Variants in MKLN1 observed in about 807,000 individuals in gnomAD.
The protein encoded by MKLN1 is muskelin.
A neutral mutation model predicts 99.0 loss-of-function variants in MKLN1; 18 were observed. That is an observed-to-expected ratio of 0.18 (90% CI 0.13 to 0.27). The LOEUF is 0.27. Among genes scored for constraint, MKLN1 ranks in the 10% least tolerant of loss-of-function variants. The pLI is 1.00. For missense variants in MKLN1, 621 were observed against 875.9 expected, an observed-to-expected ratio of 0.71 and a Z score of 3.67; for synonymous variants, 288 against 293.2, an observed-to-expected ratio of 0.98 and a Z score of 0.18.
intron 2 of MKLN1, among the ~76,000 whole-genome samples, chr7:131,184,577 T>G (rs1443723197): frequency 6.6e-6 from 1 of 151,452 alleles, no homozygotes; most frequent in African/African-American, 2.4e-5. Context: ...CAGGCTGGAG[T>G]GCAATGGCGT....
intron 1 of MKLN1, among the ~76,000 whole-genome samples, chr7:131,357,117 A>G (rs1047406180): frequency 2.9e-4 from 44 of 152,206 alleles, no homozygotes; most frequent in African/African-American, 4.8e-5. Flanking sequence ...ATTACTAACT[A>G]TAATCCATAG....
chr7:131,194,431 A>G (rs987314858), intron 2 of MKLN1, among the ~76,000 whole-genome samples: 5 of 152,232 alleles, frequency 3.3e-5, no homozygotes, highest in African/African-American at 1.2e-4. Context: ...TAAAAATCTA[A>G]TGTTAATGAG....
chr7:131,184,410 A>T (rs1796418868), intron 2 of MKLN1, among the ~76,000 whole-genome samples: 1 of 152,210 alleles, frequency 6.6e-6, no homozygotes, highest in African/African-American at 2.4e-5. Context: ...GCCTGTCCTT[A>T]GAAACAGCTG....
At chr7:131,321,533 C>T (rs1216308667) in intron 3 of MKLN1, among the ~76,000 whole-genome samples, 1 of 152,096 alleles carries the variant, frequency 6.6e-6, no homozygotes, top group Non-Finnish European at 1.5e-5. Context: ...ACAAGTATAT[C>T]TATGTAACAA....
intron 1 of MKLN1, among the ~76,000 whole-genome samples, chr7:131,122,314 G>A (rs540571294): frequency 6.6e-6 from 1 of 152,328 alleles, no homozygotes; most frequent in South Asian, 2.1e-4. Flanking sequence ...CTTAGGAAAT[G>A]TAAGGAGGTT....
chr7:131,144,644 C>T (rs113602659), intron 2 of MKLN1, among the ~76,000 whole-genome samples: 6,515 of 152,058 alleles, frequency 0.043, 208 homozygotes, highest in African/African-American at 0.092. Context: ...TGAGCCACCA[C>T]ACCTGGCCCT....
At chr7:131,343,630 A>G (rs1035243142) in intron 1 of MKLN1, among the ~76,000 whole-genome samples, 4 of 152,206 alleles carry the variant, frequency 2.6e-5, no homozygotes, top group Admixed American at 2.0e-4. Context: ...GATAACAAGC[A>G]CTTATCACAA....
At chr7:131,217,083 G>A (rs910332847) in intron 3 of MKLN1, among the ~76,000 whole-genome samples, 1 of 152,166 alleles carries the variant, frequency 6.6e-6, no homozygotes, top group African/African-American at 2.4e-5. Flanking sequence ...ATTTCATCTA[G>A]AAAGTGAATT....
intron 1 of MKLN1, among the ~76,000 whole-genome samples, chr7:131,121,482 C>A (rs1383327457): frequency 6.6e-6 from 1 of 151,476 alleles, no homozygotes; most frequent in East Asian, 1.9e-4. Context: ...ACTAAAAACA[C>A]AAAAAATTAG....
At chr7:131,270,307 C>A (rs554533582) in intron 3 of MKLN1, among the ~76,000 whole-genome samples, 5 of 152,232 alleles carry the variant, frequency 3.3e-5, no homozygotes, top group Non-Finnish European at 7.4e-5. Flanking sequence ...ACTGTAACCT[C>A]TGCCTCCCAG....
At chr7:131,155,020 T>C (rs1411974643) in intron 2 of MKLN1, among the ~76,000 whole-genome samples, 2 of 152,224 alleles carry the variant, frequency 1.3e-5, no homozygotes, top group Non-Finnish European at 2.9e-5. Flanking sequence ...TCTGCCAATC[T>C]ATGTCAGGTA....
At chr7:131,402,343 T>A (rs1252538309) in intron 6 of MKLN1, among the ~76,000 whole-genome samples, 1 of 152,196 alleles carries the variant, frequency 6.6e-6, no homozygotes, top group African/African-American at 2.4e-5. Context: ...CTACTTCTAA[T>A]TCTAGTTCTC....
chr7:131,475,708 G>C lies in MKLN1; in HGVS notation c.2032-2915G>C, dbSNP rs377231267. 2.3e-3 allele frequency among the ~76,000 whole-genome samples: 354 copies of C among 152,256 alleles called. 3 individuals carry two copies. The highest frequency in any genetic ancestry group is 8.0e-3 in the African/African-American group (334 of 41,558). ...GCCTGTAGTCCCAGCTCCTCTGGAG[G>C]CTGAGGTGGGAGGATCACCTGAGTT... On this transcript the variant is annotated intron_variant, in intron 16 of 17. Transcript: ENST00000352689.
intron 3 of MKLN1, among the ~76,000 whole-genome samples, chr7:131,252,756 G>T (rs1797602352): frequency 6.6e-6 from 1 of 152,094 alleles, no homozygotes; most frequent in Non-Finnish European, 1.5e-5. Flanking sequence ...CCTGATTCCT[G>T]GTCAAGTGGT....
chr7:131,227,531 TTCTTTC>T (rs1014011462), intron 3 of MKLN1, among the ~76,000 whole-genome samples: 1 of 148,388 alleles, frequency 6.7e-6, no homozygotes, highest in Non-Finnish European at 1.5e-5. Flanking sequence ...CTTTCTTTCT[TTCTTTC>T]TCTCTTTCTT....
At chr7:131,328,073 G>A (rs1408038143) in intron 1 of MKLN1, 76 bp downstream of exon 1, 7 of 1,519,634 alleles carry the variant, frequency 4.6e-6, no homozygotes, top group Non-Finnish European at 6.2e-6. Flanking sequence ...GCAATGGAGG[G>A]CAGCCGAGCC....
intron 2 of MKLN1, among the ~76,000 whole-genome samples, chr7:131,385,184 T>C (rs546300621): frequency 1.3e-5 from 2 of 152,354 alleles, no homozygotes; most frequent in African/African-American, 4.8e-5. Flanking sequence ...TTGTAGTGTG[T>C]GTCAGTGTGC....
rs189261548 is a variant in MKLN1 at position 131,115,519 on chromosome 7, C to A, written c.-419+5312C>A. ...ACAGCACAGCTAGAGTTTCATAAAT[C>A]ATAAGTCTTAAGACATAAATCAGAT... On this transcript the variant is annotated intron_variant, in intron 1 of 7. Coordinates refer to the MKLN1 transcript ENST00000416992. 1.5e-4 allele frequency among the ~76,000 whole-genome samples: 23 copies of A among 152,290 alleles called. No homozygotes were observed. The East Asian group carries it at 2.3e-3, about 15-fold the overall frequency.
At chr7:131,448,865 T>A (rs979098839) in intron 12 of MKLN1, among the ~76,000 whole-genome samples, 2 of 152,218 alleles carry the variant, frequency 1.3e-5, no homozygotes, top group African/African-American at 2.4e-5. Context: ...TCTAAGTTTG[T>A]CCCTCTCCCT....
Sources: gnomAD v4.1 joint callset for allele counts (sites outside exome capture counted in the v4.1 genomes callset) on GRCh38, gnomAD v4.1.1 for gene constraint, MANE v1.5 for transcripts, NCBI Gene and HGNC (gene_info 2026-07-23, HGNC 2026-07-21) for gene names.